Variants in ZNF559 observed in about 807,000 individuals in gnomAD.
ZNF559 encodes the protein putative protein product of Nbla00121.
A neutral mutation model predicts 14.2 loss-of-function variants in ZNF559; 17 were observed. The ratio of observed to expected loss-of-function variants is 1.20; its 90% CI spans 0.82 to 1.80. ZNF559 has a LOEUF of 1.80. Among genes scored for constraint, ZNF559 ranks in the 40% most tolerant of loss-of-function variants. The probability of loss-of-function intolerance (pLI) is 0.00; values close to 1 mark genes in which losing one functional copy is unlikely to be tolerated. For synonymous variants in ZNF559, 244 were observed against 212.4 expected, an observed-to-expected ratio of 1.15 and a Z score of -1.29; for missense variants, 740 against 629.7, an observed-to-expected ratio of 1.18 and a Z score of -1.88.
Position 9,336,303 on chromosome 19 carries a change from T to C in ZNF559, c.-119-1493T>C, listed in dbSNP as rs761576671. Among the ~76,000 whole-genome samples the C allele has an allele frequency of 3.9e-5, 6 of 152,258 alleles. No individual in the cohort carries two copies. In the South Asian group the frequency reaches 1.0e-3, roughly 26 times the overall value. On this transcript the variant is annotated intron_variant, in intron 2 of 6. Transcript: ENST00000603380. Reference sequence around the variant, plus strand: ...ACTTGTCACCAATTGACATAATACATATTTATGGCTGGACACAGTGGCTCA... The same window carrying C: ...ACTTGTCACCAATTGACATAATACACATTTATGGCTGGACACAGTGGCTCA...
At chr19:9,341,022 A>C in intron 5 of ZNF559, 80 bp from the exon 6 acceptor site, 3 of 1,045,552 alleles carry the variant, frequency 2.9e-6, no homozygotes, top group Non-Finnish European at 4.3e-6. Flanking sequence ...ACTACAGTAC[A>C]TACTAGTCTT....
Position 9,328,146 on chromosome 19 carries a change from C to T in ZNF559, c.-120+3366C>T, listed in dbSNP as rs183465974. Among the ~76,000 whole-genome samples, 3 of 152,244 alleles carry T rather than the reference C, an allele frequency of 2.0e-5. No individual in the cohort carries two copies. The East Asian group carries it at 5.8e-4, about 29-fold the overall frequency. On this transcript the variant is annotated intron_variant, in intron 2 of 6. Transcript: ENST00000603380. ...TTATCTCTTATAATAAAGACCTTGA[C>T]TCCTAATGACACTGATATATTATTT...
rs747916280 is a variant in ZNF559 at position 9,342,283 on chromosome 19, T to G, written c.832T>G (p.Phe278Val). The G allele has an allele frequency of 6.3e-6, 10 of 1,587,050 alleles. No individual in the cohort carries two copies. The African/African-American group carries it at 1.1e-4, about 17-fold the overall frequency. ...AGAACATAAGAAATTTGGCAAAGCC[T>G]TTGCTTTTTCCCCAGATCTTGCTAA... ...PIEHKKFGKA[F>V]AFSPDLAKHI... The change falls in exon 7 of 7, where the codon TTT (phenylalanine) becomes GTT (valine). Residue 278 changes from phenylalanine to valine, a missense_variant. By Grantham distance (50) the Phe-to-Val change is conservative (BLOSUM62 -1). Transcript: ENST00000603380.
chr19:9,324,641 A>G, intron 1 of ZNF559, 54 bp from the exon 2 acceptor site: 3 of 1,121,394 alleles, frequency 2.7e-6, no homozygotes, highest in Non-Finnish European at 2.4e-6. Flanking sequence ...ACCATCTCTA[A>G]TGGAAAAAAA....
At position 9,324,229 on chromosome 19, in the gene ZNF559, G is replaced by T. The variant is rs997403925; in HGVS notation, c.-206+1G>T. Reference sequence around the variant, plus strand: ...CAGCGCGTTCCCGTTGGCGTCTGAGGTAAGTTTTTGTTTCTGGGCGGCGTT... The same window carrying T: ...CAGCGCGTTCCCGTTGGCGTCTGAGTTAAGTTTTTGTTTCTGGGCGGCGTT... On this transcript the variant is annotated splice_donor_variant, in intron 1 of 6. Coordinates refer to ENST00000603380, the MANE Select transcript of ZNF559 (RefSeq NM_032497.3). LOFTEE classifies it low-confidence loss of function (5UTR_SPLICE). 8 of 1,535,986 alleles carry T rather than the reference G, an allele frequency of 5.2e-6. No individual in the cohort carries two copies. Among genetic ancestry groups the T allele is most frequent in the African/African-American group, 1.4e-5 (1 of 73,058 alleles).
In ZNF559 at chr19:9,343,017, G is replaced by A. The variant is rs1016185820; in HGVS notation, c.1566G>A (p.Lys522=). 7.4e-6 allele frequency: 12 copies of A among 1,613,902 alleles called. No homozygotes were observed. The highest frequency in any genetic ancestry group is 1.0e-5 in the Non-Finnish European group (12 of 1,179,984). ...LRSHSVEKPY[K]ECGQTFSNSS... is the part of the protein sequence containing the mutation. ...GTCATAGTGTGGAGAAACCATATAA[G>A]GAATGTGGGCAAACCTTTAGTAATT... is the stretch of plus-strand genomic sequence containing the variant. Residue 522 remains lysine, a synonymous_variant, in exon 7 of 7, where the codon AAG becomes AAA. Coordinates refer to ENST00000603380, the MANE Select transcript of ZNF559 (RefSeq NM_032497.3).
chr19:9,339,551 G>GT lies in ZNF559; in HGVS notation c.160+233dup, dbSNP rs543328975. ...AAGACTTAGAGCTTCTTGAATATGT[G>GT]TATGAGCTTAAGCCTGGGTTTCATG... On this transcript the variant is annotated intron_variant, in intron 5 of 6. Coordinates refer to ENST00000603380, the MANE Select transcript of ZNF559 (RefSeq NM_032497.3). 5.9e-5 allele frequency among the ~76,000 whole-genome samples: 9 copies of GT among 152,252 alleles called. No homozygotes were observed. In the East Asian group the frequency reaches 1.7e-3, roughly 29 times the overall value.
chr19:9,332,377 A>G (rs2066986373), intron 2 of ZNF559, among the ~76,000 whole-genome samples: 3 of 150,556 alleles, frequency 2.0e-5, no homozygotes, highest in African/African-American at 4.9e-5. Context: ...ATATCACTGT[A>G]TTCATTTTGC....
chr19:9,324,396 C>T, intron 1 of ZNF559, 168 bp downstream of exon 1: 1 of 1,479,976 alleles, frequency 6.8e-7, no homozygotes, highest in Non-Finnish European at 9.0e-7. Context: ...CTCTGAGAGC[C>T]ACAGTCAGGT....
At chr19:9,333,985 T>G (rs950329372) in intron 2 of ZNF559, among the ~76,000 whole-genome samples, 2 of 23,912 alleles carry the variant, frequency 8.4e-5, no homozygotes, top group Non-Finnish European at 1.7e-4. Flanking sequence ...CAAAAAGAGT[T>G]ACGAGATGTT....
chr19:9,323,917 G>A (rs2066425241), upstream of ZNF559: 7 of 559,042 alleles, frequency 1.3e-5, no homozygotes, highest in South Asian at 1.7e-4. Flanking sequence ...ACAAATCCCA[G>A]CTCTTGTTCT....
At position 9,343,349 on chromosome 19, in the gene ZNF559, T is replaced by C. The variant is rs1050029741; in HGVS notation, c.*281T>C. 5.5e-5 allele frequency: 66 copies of C among 1,190,972 alleles called. No homozygotes were observed. The highest frequency in any genetic ancestry group is 6.9e-5 in the Non-Finnish European group (66 of 956,602). The allele number at this position is 1,190,972 out of a possible 1,614,324, so 73.8% of individuals were successfully genotyped here. A position where few individuals can be genotyped will look rare whatever the true frequency, so the allele number is the denominator to read the frequency against. On this transcript the variant is annotated 3_prime_UTR_variant, in exon 7 of 7. Transcript: ENST00000603380. Reference sequence around the variant, plus strand: ...CTGTCGATGCTTACATCTTACTGAGTCTGTTTGAACTCATGCTGGAGAGAA... The same window carrying C: ...CTGTCGATGCTTACATCTTACTGAGCCTGTTTGAACTCATGCTGGAGAGAA...
chr19:9,328,094 T>C (rs1257939114), intron 2 of ZNF559, among the ~76,000 whole-genome samples: 1 of 152,180 alleles, frequency 6.6e-6, no homozygotes, highest in Non-Finnish European at 1.5e-5. Context: ...TTAAGAGGTT[T>C]TTTGTTTTTC....
intron 2 of ZNF559, among the ~76,000 whole-genome samples, chr19:9,325,491 G>C (rs1403350956): frequency 6.6e-6 from 1 of 150,860 alleles, no homozygotes; most frequent in Non-Finnish European, 1.5e-5. Context: ...TCTGTAGCTC[G>C]AGTAAAACAA....
In ZNF559 at chr19:9,341,886, ACTTC is replaced by A. The variant is rs776398749; in HGVS notation, c.438_441del (p.Pro147ThrfsTer57). 12 of 1,610,062 alleles carry A rather than the reference ACTTC, an allele frequency of 7.5e-6. No homozygotes were observed. In the South Asian group the frequency reaches 8.9e-5, roughly 12 times the overall value. ...ACAAGAAAACTGATATCGGAGAGGA[ACTTC>A]CTAACTGTAATCAATGTGAAACAGC... On this transcript the variant is annotated frameshift_variant, in exon 7 of 7. Transcript: ENST00000603380. LOFTEE classifies it low-confidence loss of function (END_TRUNC).
chr19:9,335,603 A>G (rs2067194446), intron 2 of ZNF559, among the ~76,000 whole-genome samples: 2 of 152,198 alleles, frequency 1.3e-5, no homozygotes, highest in Non-Finnish European at 2.9e-5. Flanking sequence ...ACTGGCATGC[A>G]GTGGCGTGAT....
At position 9,324,241 on chromosome 19, in the gene ZNF559, T is replaced by A. The variant is rs540720037; in HGVS notation, c.-206+13T>A. 5 of 1,535,968 alleles carry A rather than the reference T, an allele frequency of 3.3e-6. No individual in the cohort carries two copies. The highest frequency in any genetic ancestry group is 4.4e-6 in the Non-Finnish European group (5 of 1,146,884). On this transcript the variant is annotated intron_variant, in intron 1 of 6. Coordinates refer to ENST00000603380, the MANE Select transcript of ZNF559 (RefSeq NM_032497.3). ...GTTGGCGTCTGAGGTAAGTTTTTGTTTCTGGGCGGCGTTCGGTGGTGTCCC... is the reference window on the plus strand; with the variant it reads ...GTTGGCGTCTGAGGTAAGTTTTTGTATCTGGGCGGCGTTCGGTGGTGTCCC...
At position 9,338,046 on chromosome 19, in the gene ZNF559, C is replaced by T. The variant is rs142489774; in HGVS notation, c.-57+188C>T. 590 of 1,526,688 alleles carry T rather than the reference C, an allele frequency of 3.9e-4. No individual in the cohort carries two copies. The African/African-American group carries it at 4.4e-3, about 11-fold the overall frequency. 94.6% of individuals were successfully genotyped at this position (1,526,688 alleles called of 1,614,324 possible). On this transcript the variant is annotated intron_variant, in intron 3 of 6. Coordinates refer to ENST00000603380, the MANE Select transcript of ZNF559 (RefSeq NM_032497.3). ...AGTCCGTATTGATGGTCCTTCAAGA[C>T]GCTGCTTTAACCAGTCTGTGAACAG...
At chr19:9,333,647 C>T (rs1187652742) in intron 2 of ZNF559, among the ~76,000 whole-genome samples, 2 of 152,064 alleles carry the variant, frequency 1.3e-5, no homozygotes, top group African/African-American at 4.8e-5. Flanking sequence ...CAAGATTGTG[C>T]CTACTGCACC....
Sources: allele counts gnomAD v4.1 joint callset (sites outside exome capture counted in the v4.1 genomes callset), GRCh38; gene constraint gnomAD v4.1.1; transcripts MANE v1.5; gene names NCBI Gene and HGNC (gene_info 2026-07-23, HGNC 2026-07-21).